The following GRB14 variants were observed in gnomAD, a reference collection of about 807,000 sequenced individuals.
GRB14 encodes growth factor receptor-bound protein 14.
GRB14 carries 38 observed loss-of-function variants against 69.1 expected under a neutral mutation model. The ratio of observed to expected loss-of-function variants is 0.55; its 90% CI spans 0.42 to 0.72. GRB14 has a LOEUF of 0.72. GRB14 is among the 30% of genes least tolerant of loss of function. The pLI, the probability that GRB14 is intolerant of heterozygous loss-of-function variation, is 0.00. For missense variants in GRB14, 666 were observed against 666.1 expected (o/e 1.00, Z 0.00); for synonymous variants, 247 against 241.3 (o/e 1.02, Z -0.22).
intron 2 of GRB14, among the ~76,000 whole-genome samples, chr2:164,592,134 G>A (rs1207190556): frequency 6.8e-6 from 1 of 147,868 alleles, no homozygotes; most frequent in Non-Finnish European, 1.5e-5. Flanking sequence ...TTTTTTTTTT[G>A]TTTTGTTTTG....
At chr2:164,616,782 C>T (rs977406095) in intron 2 of GRB14, among the ~76,000 whole-genome samples, 1 of 152,116 alleles carries the variant, frequency 6.6e-6, no homozygotes, top group African/African-American at 2.4e-5. Context: ...AAAAGAATCA[C>T]TAAAATGACT....
intron 12 of GRB14, among the ~76,000 whole-genome samples, chr2:164,494,953 A>AT (rs5835985): frequency 1.1e-4 from 17 of 150,090 alleles, no homozygotes; most frequent in East Asian, 2.0e-4. Flanking sequence ...TTTAGAATGA[A>AT]TTTTTTTTTT....
chr2:164,551,012 T>C (rs570694899), intron 2 of GRB14, among the ~76,000 whole-genome samples: 173 of 152,316 alleles, frequency 1.1e-3, no homozygotes, highest in Admixed American at 9.0e-3. Flanking sequence ...CAAGAGCTGA[T>C]TATTAAATAT....
At chr2:164,551,941 T>C (rs1195297515) in intron 2 of GRB14, among the ~76,000 whole-genome samples, 1 of 152,254 alleles carries the variant, frequency 6.6e-6, no homozygotes, top group Non-Finnish European at 1.5e-5. Flanking sequence ...TGCTGGCATC[T>C]GCTTCTGGTA....
intron 2 of GRB14, among the ~76,000 whole-genome samples, chr2:164,549,054 T>G (rs891742440): frequency 6.6e-6 from 1 of 151,770 alleles, no homozygotes; most frequent in Non-Finnish European, 1.5e-5. Flanking sequence ...ATTTTGTATT[T>G]TTTTTTAGTA....
At chr2:164,541,620 TTAAA>T (rs1362905843) in intron 3 of GRB14, among the ~76,000 whole-genome samples, 1 of 151,854 alleles carries the variant, frequency 6.6e-6, no homozygotes, top group Non-Finnish European at 1.5e-5. Context: ...CTAAAAAAAA[TTAAA>T]TAAATAATTT....
chr2:164,619,859 G>T, intron 1 of GRB14, 40 bp from the exon 2 acceptor site: 1 of 1,529,982 alleles, frequency 6.5e-7, no homozygotes, highest in East Asian at 2.2e-5. Flanking sequence ...ACATAAAACA[G>T]AATGTAAAAT....
chr2:164,592,198 C>G (rs1689682712), intron 2 of GRB14, among the ~76,000 whole-genome samples: 1 of 151,786 alleles, frequency 6.6e-6, no homozygotes, highest in African/African-American at 2.4e-5. Flanking sequence ...GCAGTGGCAC[C>G]ATCTCGGCTC....
At chr2:164,495,167 C>G (rs899363589) in intron 12 of GRB14, among the ~76,000 whole-genome samples, 1 of 152,026 alleles carries the variant, frequency 6.6e-6, no homozygotes, top group African/African-American at 2.4e-5. Context: ...GTTTCGAACT[C>G]CAGACCTCAA....
intron 6 of GRB14, among the ~76,000 whole-genome samples, chr2:164,518,626 G>A (rs1293445252): frequency 6.6e-6 from 1 of 151,946 alleles, no homozygotes; most frequent in Non-Finnish European, 1.5e-5. Flanking sequence ...CATTAGCCAA[G>A]ATTAACCAAG....
intron 3 of GRB14, among the ~76,000 whole-genome samples, chr2:164,545,797 A>G (rs1182207044): frequency 1.3e-5 from 2 of 152,236 alleles, no homozygotes; most frequent in East Asian, 3.8e-4. Context: ...ATAAGAAATC[A>G]GGGGACAAAA....
At chr2:164,549,983 G>A (rs1435151745) in intron 2 of GRB14, among the ~76,000 whole-genome samples, 1 of 151,370 alleles carries the variant, frequency 6.6e-6, no homozygotes. Context: ...TAGTAACATG[G>A]GTGATTTATT....
intron 2 of GRB14, among the ~76,000 whole-genome samples, chr2:164,614,957 T>C (rs1304823614): frequency 6.6e-6 from 1 of 152,192 alleles, no homozygotes; most frequent in African/African-American, 2.4e-5. Context: ...GCCGAGCATA[T>C]GGAAAACTAA....
rs545361898 is a variant in GRB14, at chr2:164,541,206, G to A, written c.481+6454C>T. 1.5e-3 allele frequency among the ~76,000 whole-genome samples: 228 copies of A among 151,982 alleles called. 1 individual carries two copies. The highest frequency in any genetic ancestry group is 2.6e-3 in the Non-Finnish European group (175 of 67,972). On this transcript the variant is annotated intron_variant, in intron 3 of 13. Transcript: ENST00000263915. ...TAATAGGCCAGTCGTGGTGGCTCTC[G>A]CCTGTAATCCCAGCACTTTGGGAGG...
At chr2:164,598,215 T>C (rs1398477436) in intron 2 of GRB14, among the ~76,000 whole-genome samples, 2 of 152,208 alleles carry the variant, frequency 1.3e-5, no homozygotes, top group Non-Finnish European at 2.9e-5. Flanking sequence ...GGTCCGTAGA[T>C]AACAAGTTGG....
intron 3 of GRB14, among the ~76,000 whole-genome samples, chr2:164,544,573 A>T (rs1204566081): frequency 6.6e-6 from 1 of 152,254 alleles, no homozygotes; most frequent in Admixed American, 6.5e-5. Flanking sequence ...AAGTTAAACT[A>T]GTCACAAGTG....
At chr2:164,555,168 C>T (rs1256792901) in intron 2 of GRB14, among the ~76,000 whole-genome samples, 1 of 152,192 alleles carries the variant, frequency 6.6e-6, no homozygotes, top group African/African-American at 2.4e-5. Context: ...TCTCCTCCTC[C>T]TTGCTGACTC....
Position 164,614,002 on chromosome 2 carries a change from C to T in GRB14, c.324+5685G>A, listed in dbSNP as rs181931557. On this transcript the variant is annotated intron_variant, in intron 2 of 13. Coordinates refer to ENST00000263915, the MANE Select transcript of GRB14 (RefSeq NM_004490.3). ...TTCCTATAACCTCCCCCAGAACATT[C>T]CTATTCAGTGGGTTTTGCAAGAGGT... 1.1e-4 allele frequency among the ~76,000 whole-genome samples: 17 copies of T among 152,186 alleles called. No homozygotes were observed. In the East Asian group the frequency reaches 3.3e-3, roughly 29 times the overall value.
chr2:164,543,006 A>G (rs946813437), intron 3 of GRB14, among the ~76,000 whole-genome samples: 1 of 152,180 alleles, frequency 6.6e-6, no homozygotes, highest in African/African-American at 2.4e-5. Context: ...AATGCAGTAC[A>G]TATAGGCCAG....
Sources: allele counts gnomAD v4.1 joint callset (sites outside exome capture counted in the v4.1 genomes callset), GRCh38; gene constraint gnomAD v4.1.1; transcripts MANE v1.5; gene names NCBI Gene and HGNC (gene_info 2026-07-23, HGNC 2026-07-21).